The following TSHZ2 variants were observed in gnomAD, a reference collection of about 807,000 sequenced individuals.
The protein encoded by TSHZ2 is teashirt homolog 2.
A neutral mutation model predicts 74.4 loss-of-function variants in TSHZ2; 21 were observed. The ratio of observed to expected loss-of-function variants is 0.28; its 90% CI spans 0.20 to 0.41. The LOEUF (loss-of-function observed/expected upper bound fraction) is 0.41. TSHZ2 is among the 10% of genes least tolerant of loss of function. TSHZ2 has a pLI of 1.00. For synonymous variants in TSHZ2, 540 were observed against 515.3 expected, an observed-to-expected ratio of 1.05 and a Z score of -0.65; for missense variants, 1,244 against 1,293.5, an observed-to-expected ratio of 0.96 and a Z score of 0.59.
intron 2 of TSHZ2, among the ~76,000 whole-genome samples, chr20:53,470,133 G>A (rs1340055458): frequency 3.3e-5 from 5 of 152,102 alleles, no homozygotes; most frequent in African/African-American, 9.7e-5. Flanking sequence ...TGTTGTCAAC[G>A]CTGGGAAAAC....
chr20:53,471,516 TAAC>T (rs1282612835), intron 2 of TSHZ2, among the ~76,000 whole-genome samples: 3 of 152,204 alleles, frequency 2.0e-5, no homozygotes, highest in African/African-American at 7.2e-5. Context: ...TGCAAGATGA[TAAC>T]AAAAGAATGT....
intron 1 of TSHZ2, among the ~76,000 whole-genome samples, chr20:53,167,437 GGAAGTCA>G (rs1285460163): frequency 6.6e-6 from 1 of 152,164 alleles, no homozygotes; most frequent in African/African-American, 2.4e-5. Flanking sequence ...TAGGAAGCAG[GGAAGTCA>G]GGCTTCAAAC....
intron 1 of TSHZ2, chr20:53,196,444 T>C (rs942576388): frequency 1.3e-5 from 2 of 150,592 alleles, no homozygotes; most frequent in African/African-American, 4.9e-5. Context: ...TTAATTAGCA[T>C]GGCACCTCAG....
intron 2 of TSHZ2, among the ~76,000 whole-genome samples, chr20:53,264,160 A>G (rs1280984284): frequency 1.3e-5 from 2 of 152,258 alleles, no homozygotes; most frequent in Non-Finnish European, 2.9e-5. Context: ...ATATTTAGTC[A>G]ATGCTGTTAC....
intron 1 of TSHZ2, among the ~76,000 whole-genome samples, chr20:53,155,851 A>G (rs1259764010): frequency 6.6e-6 from 1 of 152,228 alleles, no homozygotes; most frequent in Admixed American, 6.5e-5. Context: ...ATGAGAAAAC[A>G]TTCCATCACT....
intron 2 of TSHZ2, among the ~76,000 whole-genome samples, chr20:53,260,475 G>A (rs150523676): frequency 5.7e-4 from 87 of 152,294 alleles, no homozygotes; most frequent in African/African-American, 1.9e-3. Context: ...GTCTGCCTTT[G>A]AGGCTAGTGG....
intron 1 of TSHZ2, among the ~76,000 whole-genome samples, chr20:53,102,786 A>G (rs1600690643): frequency 6.6e-6 from 1 of 152,128 alleles, no homozygotes; most frequent in South Asian, 2.1e-4. Flanking sequence ...CAGCTCATGT[A>G]GTTTAGGAGA....
chr20:53,413,746 C>A lies in TSHZ2; in HGVS notation c.*9-73398C>A, dbSNP rs1291577710. Among the ~76,000 whole-genome samples the A allele has an allele frequency of 3.9e-5, 6 of 152,196 alleles. No homozygotes were observed. In the East Asian group the frequency reaches 1.2e-3, roughly 29 times the overall value. On this transcript the variant is annotated intron_variant, in intron 2 of 2. Transcript: ENST00000371497. ...GCCTTTCAAACTAATGAAGGAAATT[C>A]TTCTATGCTGATACAGAGCAATTGC...
At chr20:53,439,940 C>T (rs1298491457) in intron 2 of TSHZ2, among the ~76,000 whole-genome samples, 1 of 152,152 alleles carries the variant, frequency 6.6e-6, no homozygotes, top group Admixed American at 6.5e-5. Flanking sequence ...GACTCATTTA[C>T]AGTTTAAATT....
chr20:53,170,251 G>A (rs960917042), intron 1 of TSHZ2, among the ~76,000 whole-genome samples: 24 of 152,140 alleles, frequency 1.6e-4, no homozygotes, highest in Admixed American at 6.5e-4. Flanking sequence ...AAACAGAATC[G>A]CTGTTCCTCA....
intron 1 of TSHZ2, among the ~76,000 whole-genome samples, chr20:52,989,161 T>C (rs968908786): frequency 1.1e-5 from 1 of 92,598 alleles, no homozygotes; most frequent in Admixed American, 1.0e-4. Flanking sequence ...AGACTCTGTC[T>C]GGCAAAAAAA....
chr20:53,489,038 C>T lies in TSHZ2; in HGVS notation c.*1903C>T. ...GCATGGACAGAAAATATACCCCTCA[C>T]ATCATCGGATTGAGATGGCAGTCGA... On this transcript the variant is annotated 3_prime_UTR_variant, in exon 3 of 3. Transcript: ENST00000371497. The T allele has an allele frequency of 2.2e-6, 1 of 456,160 alleles. No individual in the cohort carries two copies. The highest frequency in any genetic ancestry group is 1.5e-5 in the South Asian group (1 of 64,568). 28.3% of individuals were successfully genotyped at this position (456,160 alleles called of 1,614,324 possible).
chr20:53,412,517 A>G (rs1381677458), intron 2 of TSHZ2: 1 of 152,250 alleles, frequency 6.6e-6, no homozygotes, highest in Non-Finnish European at 1.5e-5. Context: ...ACCACCATCC[A>G]TCTCCAGGGA....
chr20:53,245,245 C>T (rs1473659099), intron 1 of TSHZ2, among the ~76,000 whole-genome samples: 4 of 152,192 alleles, frequency 2.6e-5, no homozygotes, highest in Non-Finnish European at 5.9e-5. Flanking sequence ...CAGTAATTTT[C>T]CCAAGATTGT....
chr20:53,170,083 A>G (rs73270657), intron 1 of TSHZ2, among the ~76,000 whole-genome samples: 3,732 of 152,302 alleles, frequency 0.025, 149 homozygotes, highest in African/African-American at 0.084. Flanking sequence ...TGAGGCTTGC[A>G]GAGGAAAATC....
At chr20:53,413,245 GA>G (rs1983116970) in intron 2 of TSHZ2, among the ~76,000 whole-genome samples, 1 of 152,216 alleles carries the variant, frequency 6.6e-6, no homozygotes, top group Non-Finnish European at 1.5e-5. Flanking sequence ...GCAAGGCGCG[GA>G]AGTGAGGGGG....
chr20:53,197,717 G>T (rs576696475), intron 1 of TSHZ2, among the ~76,000 whole-genome samples: 1 of 152,310 alleles, frequency 6.6e-6, no homozygotes, highest in East Asian at 1.9e-4. Flanking sequence ...GCTGTTGCAG[G>T]CATGGCTGCT....
intron 1 of TSHZ2, among the ~76,000 whole-genome samples, chr20:53,012,589 C>T (rs538294929): frequency 2.6e-5 from 4 of 152,170 alleles, no homozygotes; most frequent in South Asian, 2.1e-4. Context: ...TGGGAAGGTT[C>T]GCTTCTCCAT....
At chr20:53,006,166 G>A (rs1013257104) in intron 1 of TSHZ2, among the ~76,000 whole-genome samples, 5 of 152,158 alleles carry the variant, frequency 3.3e-5, no homozygotes, top group African/African-American at 1.2e-4. Context: ...AAGTGCATGA[G>A]TTGATCTGTT....
Sources: gnomAD v4.1 joint callset for allele counts (sites outside exome capture counted in the v4.1 genomes callset) on GRCh38, gnomAD v4.1.1 for gene constraint, MANE v1.5 for transcripts, NCBI Gene and HGNC (gene_info 2026-07-23, HGNC 2026-07-21) for gene names.